BAG6: variants seen among roughly 807,000 people sequenced by gnomAD.
BAG6 encodes the protein BAG cochaperone 6.
In BAG6, 22 loss-of-function variants were observed where a neutral mutation model predicts 121.0. The observed-to-expected ratio is 0.18, with a 90% CI of 0.13 to 0.26. The LOEUF (loss-of-function observed/expected upper bound fraction) is 0.26, where lower values mean the gene tolerates loss of function less well. Ranked by LOEUF, BAG6 falls within the 10% of genes least tolerant of loss-of-function variation. The probability of loss-of-function intolerance (pLI) is 1.00; values close to 1 mark genes in which losing one functional copy is unlikely to be tolerated. For missense variants in BAG6, 1,233 were observed against 1,537.7 expected, an observed-to-expected ratio of 0.80 and a Z score of 3.31; for synonymous variants, 583 against 584.6, an observed-to-expected ratio of 1.00 and a Z score of 0.04.
rs745856906 is a variant in BAG6, at chr6:31,639,223, G to A, written c.3397C>T (p.Arg1133Trp). Residue 1133 changes from arginine to tryptophan, a missense_variant, in exon 26 of 26, where the codon CGG becomes TGG. Around this residue, in one of 7 missense-constraint regions of BAG6, gnomAD observed 102 missense variants for 103.2 expected, o/e 0.99. Coordinates refer to ENST00000676615, the MANE Select transcript of BAG6 (RefSeq NM_001387994.1). The stretch of plus-strand genomic sequence containing the variant: ...TGCAGTCGTTTTTGTATATCAGACC[G>A]GAGCTAAAGAGAAAAAGTAAGCAGG... ...EVQESYRQQL[R>W]SDIQKRLQED... 3 of 1,577,418 alleles carry A rather than the reference G, an allele frequency of 1.9e-6. No individual in the cohort carries two copies. The highest frequency in any genetic ancestry group is 2.6e-6 in the Non-Finnish European group (3 of 1,154,988).
chr6:31,651,588 C>CGAG, intron 2 of BAG6, 68 bp downstream of exon 2: 1 of 1,365,796 alleles, frequency 7.3e-7, no homozygotes, highest in Admixed American at 1.8e-5. Flanking sequence ...TCAAGCTCAT[C>CGAG]TCTCAGGCTA....
chr6:31,644,000 T>C (rs760293), intron 13 of BAG6, 23 bp from the exon 14 acceptor site: 1,330,762 of 1,613,678 alleles, frequency 0.82, 550,293 homozygotes, highest in East Asian at 0.89. Context: ...CAAGGGAGAA[T>C]TTCAGACCTG....
Position 31,647,700 on chromosome 6 carries a change from G to T in BAG6, c.679C>A (p.Pro227Thr), listed in dbSNP as rs778682967. The T allele has an allele frequency of 6.8e-5, 109 of 1,603,392 alleles. No individual in the cohort carries two copies. The highest frequency in any genetic ancestry group is 9.0e-5 in the Non-Finnish European group (106 of 1,176,394). ...PVESEAPPRE[P>T]MEAEEVEERA... is the part of the protein sequence containing the mutation. The stretch of plus-strand genomic sequence containing the variant: ...TCCTCCACTTCTTCTGCCTCCATGG[G>T]CTCCCGGGGAGGTGCTTCACTTTCA... The change falls in exon 7 of 26, where the codon CCC becomes ACC. Residue 227 changes from proline (P) to threonine (T), a missense_variant. Physicochemically the swap from Pro to Thr is conservative, Grantham distance 38. Coordinates refer to ENST00000676615, the MANE Select transcript of BAG6 (RefSeq NM_001387994.1).
intron 24 of BAG6, 131 bp from the exon 25 acceptor site, chr6:31,639,777 T>A: frequency 8.6e-7 from 1 of 1,160,602 alleles, no homozygotes; most frequent in Non-Finnish European, 1.2e-6. Context: ...AAATTAAGAG[T>A]CCAGGATGTG....
In BAG6 at chr6:31,645,474, T is replaced by A; in HGVS notation, c.1049A>T (p.His350Leu). 1 of 1,613,078 alleles carries A rather than the reference T, an allele frequency of 6.2e-7. No homozygotes were observed. Among genetic ancestry groups the A allele is most frequent in the Non-Finnish European group, 8.5e-7 (1 of 1,180,030 alleles). Residue 350 changes from histidine (H) to leucine (L), a missense_variant, in exon 9 of 26, where the codon CAT becomes CTT. Physicochemically the swap from His to Leu is moderately conservative, Grantham distance 99 (BLOSUM62 -3). This residue lies in a region of BAG6 where 777 missense variants were observed against 861.4 expected (regional missense o/e 0.90). Coordinates refer to ENST00000676615, the MANE Select transcript of BAG6 (RefSeq NM_001387994.1). ...NLACTPPRHL[H>L]VVRPMSHYTT... The stretch of plus-strand genomic sequence containing the variant: ...GTAGTGAGACATAGGCCGGACCACA[T>A]GCAGGTGTCGTGGGGGCGTGCAGGC...
intron 14 of BAG6, 94 bp downstream of exon 14, chr6:31,643,796 C>A: frequency 1.6e-6 from 2 of 1,222,574 alleles, no homozygotes; most frequent in South Asian, 1.3e-5. Flanking sequence ...TCCAGGAAAG[C>A]AGGAACCAAG....
intron 7 of BAG6, among the ~76,000 whole-genome samples, 183 bp downstream of exon 7, chr6:31,647,405 GTTC>G (rs1403932380): frequency 6.6e-6 from 1 of 152,196 alleles, no homozygotes; most frequent in Non-Finnish European, 1.5e-5. Context: ...GAGAGCAGCA[GTTC>G]TTCTCAGCTG....
Position 31,643,098 on chromosome 6 carries a change from T to C in BAG6, c.1774A>G (p.Met592Val). ...GTGGCAGGGGCTGGCGGTGGAGCCA[T>C]ACCTGGGGTCCCCTGAGCTGTAAGA... is the stretch of plus-strand genomic sequence containing the variant. ...PVLVAQGTPGMAPPPAPATAS... is the reference protein window; with the variant it reads ...PVLVAQGTPGVAPPPAPATAS... Residue 592 changes from methionine (M) to valine (V), a missense_variant, in exon 15 of 26, where the codon ATG (methionine) becomes GTG (valine). Met to Val is a conservative substitution (Grantham distance 21). This residue lies in a region of BAG6 where 777 missense variants were observed against 861.4 expected (regional missense o/e 0.90). Coordinates refer to ENST00000676615, the MANE Select transcript of BAG6 (RefSeq NM_001387994.1). 1 of 1,577,320 alleles carries C rather than the reference T, an allele frequency of 6.3e-7. No individual in the cohort carries two copies. Among genetic ancestry groups the C allele is most frequent in the Middle Eastern group, 1.9e-4 (1 of 5,378 alleles).
Position 31,640,780 on chromosome 6 carries a change from C to A in BAG6, c.2934+12G>T, listed in dbSNP as rs1451181514. On this transcript the variant is annotated intron_variant, in intron 21 of 25. Coordinates refer to ENST00000676615, the MANE Select transcript of BAG6 (RefSeq NM_001387994.1). The surrounding 1 kb of genome is among the most constrained non-coding windows in gnomAD (Gnocchi z 4.2). ...CAAGTACCCTGACCCCATCGCCCAACAGGTCCCTTACCTGGGGGGGATCAC... is the reference window on the plus strand; with the variant it reads ...CAAGTACCCTGACCCCATCGCCCAAAAGGTCCCTTACCTGGGGGGGATCAC... 1.9e-6 allele frequency: 3 copies of A among 1,612,704 alleles called. No homozygotes were observed. The highest frequency in any genetic ancestry group is 2.5e-6 in the Non-Finnish European group (3 of 1,180,042).
rs1255297479 is a variant in BAG6, at chr6:31,643,027, G to C, written c.1845C>G (p.Gly615=). The part of the protein sequence containing the change: ...AGTTNTATTA[G]PAPGGPAQPP... Reference sequence around the variant, plus strand: ...GCTGGGCAGGCCCCCCAGGAGCGGGGCCAGCTGTGGTAGCTGTGTTGGTGG... The same window carrying C: ...GCTGGGCAGGCCCCCCAGGAGCGGGCCCAGCTGTGGTAGCTGTGTTGGTGG... The change falls in exon 15 of 26, where the codon GGC becomes GGG. Residue 615 remains glycine, a synonymous_variant. Transcript: ENST00000676615. The C allele has an allele frequency of 6.3e-7, 1 of 1,588,826 alleles. No homozygotes were observed.
rs1561887820 is a variant in BAG6 at position 31,641,676 on chromosome 6, T to C, written c.2506-84A>G. The C allele has an allele frequency of 6.2e-7, 1 of 1,608,598 alleles. No individual in the cohort carries two copies. The highest frequency in any genetic ancestry group is 8.5e-7 in the Non-Finnish European group (1 of 1,175,186). On this transcript the variant is annotated intron_variant, in intron 17 of 25. Coordinates refer to ENST00000676615, the MANE Select transcript of BAG6 (RefSeq NM_001387994.1). This position sits in a 1 kb window ranked among gnomAD's most constrained non-coding sequence, Gnocchi z 5.7. ...TCGACCCCAACAAGTCCAGGGCTTG[T>C]GTGGGGGCAATTGGAGCTTTACCTG... is the stretch of plus-strand genomic sequence containing the variant.
In BAG6 at chr6:31,641,073, G is replaced by A. The variant is rs766137153; in HGVS notation, c.2787+31C>T. Reference sequence around the variant, plus strand: ...AGAATGGAAACCTCAGGAAACAAAAGGCTAAGGATCTGGGGCTAGGTGGTG... The same window carrying A: ...AGAATGGAAACCTCAGGAAACAAAAAGCTAAGGATCTGGGGCTAGGTGGTG... On this transcript the variant is annotated intron_variant, in intron 20 of 25. Coordinates refer to ENST00000676615, the MANE Select transcript of BAG6 (RefSeq NM_001387994.1). The surrounding 1 kb of genome is among the most constrained non-coding windows in gnomAD (Gnocchi z 5.7). 2 of 1,611,940 alleles carry A rather than the reference G, an allele frequency of 1.2e-6. No individual in the cohort carries two copies. The highest frequency in any genetic ancestry group is 1.7e-6 in the Non-Finnish European group (2 of 1,179,322).
chr6:31,640,085 C>G lies in BAG6; in HGVS notation c.3246+114G>C. Reference sequence around the variant, plus strand: ...TCCCAGAAAAAGTTTCCTCATTAAACGAGGGGAGGGGAGACTGAATAACAA... The same window carrying G: ...TCCCAGAAAAAGTTTCCTCATTAAAGGAGGGGAGGGGAGACTGAATAACAA... On this transcript the variant is annotated intron_variant, in intron 24 of 25. Coordinates refer to ENST00000676615, the MANE Select transcript of BAG6 (RefSeq NM_001387994.1). This position sits in a 1 kb window ranked among gnomAD's most constrained non-coding sequence, Gnocchi z 4.2. 1 of 1,069,616 alleles carries G rather than the reference C, an allele frequency of 9.3e-7. No individual in the cohort carries two copies. Among genetic ancestry groups the G allele is most frequent in the Non-Finnish European group, 1.4e-6 (1 of 727,662 alleles). The allele number at this position is 1,069,616 out of a possible 1,614,324, so 66.3% of individuals were successfully genotyped here.
chr6:31,651,592 C>T (rs763256092), intron 2 of BAG6, 64 bp downstream of exon 2: 21 of 1,404,560 alleles, frequency 1.5e-5, no homozygotes, highest in Non-Finnish European at 2.1e-5. Context: ...GCTCATCTCT[C>T]AGGCTAAGGG....
At chr6:31,651,526 G>A (rs1182626756) in intron 2 of BAG6, 130 bp downstream of exon 2, 2 of 757,254 alleles carry the variant, frequency 2.6e-6, no homozygotes, top group Non-Finnish European at 4.4e-6. Context: ...AAGACAGGGC[G>A]TGACTCCATC....
chr6:31,639,497 C>G lies in BAG6; in HGVS notation c.3393+3G>C, dbSNP rs111986400. ...CCATCCCTATTCTGCTTCAAGGTGG[C>G]ACCTGCTGCCTGTAGCTCTCCTGAA... is the stretch of plus-strand genomic sequence containing the variant. On this transcript the variant is annotated splice_donor_region_variant and intron_variant, in intron 25 of 25. Coordinates refer to ENST00000676615, the MANE Select transcript of BAG6 (RefSeq NM_001387994.1). The G allele has an allele frequency of 6.2e-7, 1 of 1,612,424 alleles. No homozygotes were observed. Among genetic ancestry groups the G allele is most frequent in the Non-Finnish European group, 8.5e-7 (1 of 1,178,876 alleles).
intron 2 of BAG6, among the ~76,000 whole-genome samples, chr6:31,650,314 G>C (rs1325215097): frequency 6.6e-6 from 1 of 152,032 alleles, no homozygotes; most frequent in Non-Finnish European, 1.5e-5. Flanking sequence ...TTAAAAAATG[G>C]CAAAGAAGAT....
At position 31,640,918 on chromosome 6, in the gene BAG6, C is replaced by T. The variant is rs543294911; in HGVS notation, c.2808G>A (p.Val936=). ...TCAGCCAGCTCACCAAGGAGGGATTCACCCCACGAGACATACGACGCTGAG... is the reference window on the plus strand; with the variant it reads ...TCAGCCAGCTCACCAAGGAGGGATTTACCCCACGAGACATACGACGCTGAG... The part of the protein sequence containing the change: ...NGRIRRMSRG[V]NPSLVSWLTT... The change falls in exon 21 of 26, where the codon GTG becomes GTA. Residue 936 remains valine, a synonymous_variant. Coordinates refer to ENST00000676615, the MANE Select transcript of BAG6 (RefSeq NM_001387994.1). The surrounding 1 kb of genome is among the most constrained non-coding windows in gnomAD (Gnocchi z 4.2). The T allele has an allele frequency of 1.2e-6, 2 of 1,612,792 alleles. No homozygotes were observed. The highest frequency in any genetic ancestry group is 1.3e-5 in the African/African-American group (1 of 75,000).
chr6:31,649,123 C>T, intron 4 of BAG6, 76 bp downstream of exon 4: 4 of 1,574,354 alleles, frequency 2.5e-6, no homozygotes, highest in Non-Finnish European at 3.5e-6. Flanking sequence ...ATGGAAGCAT[C>T]TATCTTATTA....
Sources: gnomAD v4.1 joint callset for allele counts (sites outside exome capture counted in the v4.1 genomes callset) on GRCh38, gnomAD v4.1.1 for gene constraint, gnomAD v4.1.1 regional missense constraint, Gnocchi (gnomAD v3.1) non-coding constraint, MANE v1.5 for transcripts, NCBI Gene and HGNC (gene_info 2026-07-23, HGNC 2026-07-21) for gene names.